Variants in TAF4B observed in about 807,000 individuals in gnomAD.
The protein encoded by TAF4B is TATA-box binding protein associated factor 4b.
A neutral mutation model predicts 86.4 loss-of-function variants in TAF4B; 38 were observed. That is an observed-to-expected ratio of 0.44 (90% CI 0.34 to 0.58). The LOEUF is 0.58. Ranked by LOEUF, TAF4B falls within the 20% of genes least tolerant of loss-of-function variation. TAF4B has a pLI of 0.02. For missense variants in TAF4B, 988 were observed against 1,027.6 expected (o/e 0.96, Z 0.53); for synonymous variants, 388 against 391.2 (o/e 0.99, Z 0.10).
intron 9 of TAF4B, among the ~76,000 whole-genome samples, chr18:26,302,807 A>G (rs2056750708): frequency 6.6e-6 from 1 of 152,026 alleles, no homozygotes; most frequent in African/African-American, 2.4e-5. Flanking sequence ...GTCCTTCCTC[A>G]GTGATCTGTA....
rs1487646002 is a variant in TAF4B at position 26,227,183 on chromosome 18, A to G, written c.250A>G (p.Ser84Gly). Residue 84 changes from serine to glycine, a missense_variant, in exon 1 of 15, where the codon AGC (serine) becomes GGC (glycine). Physicochemically the swap from Ser to Gly is moderately conservative, Grantham distance 56. Transcript: ENST00000269142. Reference sequence around the variant, plus strand: ...GGTCAGCGCCCCTCCTAAAGTCAGCAGCGGCCCTAGGCTGCCTGCTCCTCA... The same window carrying G: ...GGTCAGCGCCCCTCCTAAAGTCAGCGGCGGCCCTAGGCTGCCTGCTCCTCA... Reference protein sequence around the residue: ...APVSAPPKVSSGPRLPAPQIV... With the variant: ...APVSAPPKVSGGPRLPAPQIV... 3 of 1,613,988 alleles carry G rather than the reference A, an allele frequency of 1.9e-6. No individual in the cohort carries two copies. Among genetic ancestry groups the G allele is most frequent in the Non-Finnish European group, 2.5e-6 (3 of 1,180,010 alleles).
intron 12 of TAF4B, among the ~76,000 whole-genome samples, chr18:26,334,456 T>G (rs375153354): frequency 5.3e-5 from 8 of 152,168 alleles, no homozygotes; most frequent in African/African-American, 1.4e-4. Flanking sequence ...ATCCCAAACA[T>G]GTTTTCCAGT....
chr18:26,296,495 G>T (rs1233533461), intron 9 of TAF4B, among the ~76,000 whole-genome samples: 2 of 152,152 alleles, frequency 1.3e-5, no homozygotes, highest in Middle Eastern at 3.4e-3. Context: ...GGGGTGGGGA[G>T]GGGTAGATGA....
chr18:26,309,535 A>C (rs555543525), intron 9 of TAF4B, among the ~76,000 whole-genome samples: 22 of 152,156 alleles, frequency 1.4e-4, no homozygotes, highest in African/African-American at 5.3e-4. Context: ...ATGCAAGAGG[A>C]CCCGTGGATT....
intron 9 of TAF4B, 68 bp from the exon 10 acceptor site, chr18:26,315,161 T>TCTCTCA (rs1282068871): frequency 0.012 from 2,774 of 222,108 alleles, 149 homozygotes; most frequent in East Asian, 0.048. Flanking sequence ...TCTCTCTCTC[T>TCTCTCA]CACACACACA....
intron 1 of TAF4B, among the ~76,000 whole-genome samples, chr18:26,234,818 A>G (rs995437212): frequency 2.6e-5 from 4 of 152,202 alleles, no homozygotes; most frequent in African/African-American, 9.6e-5. Context: ...CTTAAGGAGT[A>G]GCGCCTGGTA....
intron 1 of TAF4B, among the ~76,000 whole-genome samples, chr18:26,249,862 A>C (rs1568103930): frequency 6.6e-6 from 1 of 152,168 alleles, no homozygotes. Context: ...AGCTGGGATT[A>C]CAGGCACATG....
intron 1 of TAF4B, among the ~76,000 whole-genome samples, chr18:26,236,648 G>C (rs1360916147): frequency 6.6e-6 from 1 of 152,096 alleles, no homozygotes; most frequent in Non-Finnish European, 1.5e-5. Flanking sequence ...AAGCCCTACC[G>C]GGTTATTGCC....
At chr18:26,326,512 G>A (rs1353828132) in intron 11 of TAF4B, among the ~76,000 whole-genome samples, 1 of 152,118 alleles carries the variant, frequency 6.6e-6, no homozygotes, top group Non-Finnish European at 1.5e-5. Flanking sequence ...CAGTTGTCAA[G>A]GTTAAACCAA....
In TAF4B at chr18:26,292,445, T is replaced by C. The variant is rs115259740; in HGVS notation, c.1726+64T>C. Reference sequence around the variant, plus strand: ...AGAACATGAAGGGGTTTTGTATAACTTTTTTGTTGCTGTGTTAAGAGAAGA... The same window carrying C: ...AGAACATGAAGGGGTTTTGTATAACCTTTTTGTTGCTGTGTTAAGAGAAGA... On this transcript the variant is annotated intron_variant, in intron 8 of 14. Transcript: ENST00000269142. The C allele has an allele frequency of 2.0e-3, 3,027 of 1,524,794 alleles. 32 individuals carry two copies. In the African/African-American group the frequency reaches 0.035, roughly 17 times the overall value. 94.5% of individuals were successfully genotyped at this position (1,524,794 alleles called of 1,614,324 possible).
intron 11 of TAF4B, among the ~76,000 whole-genome samples, chr18:26,326,654 T>G (rs1156351614): frequency 1.3e-5 from 2 of 152,226 alleles, no homozygotes; most frequent in Admixed American, 1.3e-4. Context: ...AGGTAGATAA[T>G]AATCTAAAAA....
chr18:26,231,369 T>TG, intron 1 of TAF4B, among the ~76,000 whole-genome samples: 1 of 138,876 alleles, frequency 7.2e-6, no homozygotes, highest in African/African-American at 2.7e-5. Flanking sequence ...TTTTTTTTTT[T>TG]GGAGACAGAG....
intron 10 of TAF4B, among the ~76,000 whole-genome samples, chr18:26,320,342 G>A (rs1304948703): frequency 6.6e-6 from 1 of 152,156 alleles, no homozygotes; most frequent in African/African-American, 2.4e-5. Flanking sequence ...TTACGGACAA[G>A]GTTGATTTAT....
chr18:26,303,315 TC>T (rs2056760113), intron 9 of TAF4B, among the ~76,000 whole-genome samples: 1 of 109,816 alleles, frequency 9.1e-6, no homozygotes, highest in African/African-American at 3.5e-5. Flanking sequence ...ACTGTCATCC[TC>T]CCTCCACTTT....
intron 1 of TAF4B, among the ~76,000 whole-genome samples, chr18:26,241,373 G>C (rs1263270666): frequency 6.6e-6 from 1 of 152,188 alleles, no homozygotes; most frequent in African/African-American, 2.4e-5. Context: ...TATTTGCGTA[G>C]AGGAGTTTAT....
intron 9 of TAF4B, among the ~76,000 whole-genome samples, chr18:26,305,334 A>G (rs1413268390): frequency 1.3e-5 from 2 of 152,216 alleles, no homozygotes; most frequent in Non-Finnish European, 2.9e-5. Context: ...TCTTATTTGC[A>G]ATGCCACCTT....
chr18:26,311,388 A>G (rs772060574), intron 9 of TAF4B, among the ~76,000 whole-genome samples: 1 of 152,166 alleles, frequency 6.6e-6, no homozygotes, highest in Non-Finnish European at 1.5e-5. Flanking sequence ...TAATCCCAGC[A>G]TTTTGGGAGG....
intron 14 of TAF4B, among the ~76,000 whole-genome samples, chr18:26,380,783 A>G (rs1342914525): frequency 6.6e-6 from 1 of 151,812 alleles, no homozygotes; most frequent in South Asian, 2.1e-4. Flanking sequence ...TAAATAACAT[A>G]TAATTGAGTT....
chr18:26,325,550 T>C (rs2056997083), intron 11 of TAF4B, among the ~76,000 whole-genome samples: 1 of 152,150 alleles, frequency 6.6e-6, no homozygotes, highest in Non-Finnish European at 1.5e-5. Context: ...TCGTTGTATA[T>C]GAGTTGGGGG....
Sources: allele counts gnomAD v4.1 joint callset (sites outside exome capture counted in the v4.1 genomes callset), GRCh38; gene constraint gnomAD v4.1.1; transcripts MANE v1.5; gene names NCBI Gene and HGNC (gene_info 2026-07-23, HGNC 2026-07-21).